Variants in UBL3 observed in about 807,000 individuals in gnomAD.
The protein encoded by UBL3 is ubiquitin-like protein 3.
A neutral mutation model predicts 18.4 loss-of-function variants in UBL3; 6 were observed. The ratio of observed to expected loss-of-function variants is 0.33; its 90% CI spans 0.18 to 0.64. The LOEUF is 0.64. Ranked by LOEUF, UBL3 falls within the 30% of genes least tolerant of loss-of-function variation. The probability of loss-of-function intolerance (pLI) is 0.76; values close to 1 mark genes in which losing one functional copy is unlikely to be tolerated. For synonymous variants in UBL3, 49 were observed against 46.6 expected (o/e 1.05, Z -0.21); for missense variants, 109 against 142.9 (o/e 0.76, Z 1.21).
chr13:29,831,714 AAAAG>A (rs1593673594), intron 1 of UBL3, among the ~76,000 whole-genome samples: 1 of 151,074 alleles, frequency 6.6e-6, no homozygotes, highest in East Asian at 2.0e-4. Flanking sequence ...GATAGAAAAA[AAAAG>A]AACGCTGACA....
At chr13:29,777,542 C>A in intron 1 of UBL3, 1 of 517,512 alleles carries the variant, frequency 1.9e-6, no homozygotes, top group Non-Finnish European at 3.7e-6. Flanking sequence ...TTTAATCACT[C>A]CAACAATGTT....
chr13:29,849,569 C>G lies in UBL3; in HGVS notation c.-31G>C. 1.2e-6 allele frequency: 2 copies of G among 1,612,560 alleles called. No homozygotes were observed. Among genetic ancestry groups the G allele is most frequent in the Non-Finnish European group, 1.7e-6 (2 of 1,179,752 alleles). On this transcript the variant is annotated 5_prime_UTR_variant, in exon 1 of 5. Transcript: ENST00000380680. ...CGTTTGATATACACCCAGATGTTTA[C>G]GAAAAAAACAAACAAAGAAAAAAGA... is the stretch of plus-strand genomic sequence containing the variant.
At chr13:29,776,251 TC>T (rs1434678989) in intron 2 of UBL3, among the ~76,000 whole-genome samples, 2 of 129,654 alleles carry the variant, frequency 1.5e-5, no homozygotes, top group Non-Finnish European at 1.6e-5. Flanking sequence ...TTCTTTTTTT[TC>T]TTTTCTTTCT....
At chr13:29,781,486 G>A (rs1287108408) in intron 1 of UBL3, among the ~76,000 whole-genome samples, 1 of 152,048 alleles carries the variant, frequency 6.6e-6, no homozygotes, top group African/African-American at 2.4e-5. Context: ...AAAAGTTAAC[G>A]CTATCAAGTA....
intron 1 of UBL3, among the ~76,000 whole-genome samples, chr13:29,813,823 T>G (rs780514337): frequency 1.4e-4 from 22 of 152,094 alleles, no homozygotes; most frequent in Admixed American, 1.4e-3. Flanking sequence ...AAATTCACTT[T>G]GCATCATTAT....
chr13:29,840,265 A>T (rs968602293), intron 1 of UBL3, among the ~76,000 whole-genome samples: 1 of 152,180 alleles, frequency 6.6e-6, no homozygotes, highest in African/African-American at 2.4e-5. Context: ...AAATGGACAA[A>T]TCTCTTGAAA....
Position 29,779,940 on chromosome 13 carries a change from C to T in UBL3, c.28-2677G>A, listed in dbSNP as rs534988680. 1.4e-4 allele frequency among the ~76,000 whole-genome samples: 22 copies of T among 152,270 alleles called. No homozygotes were observed. The East Asian group carries it at 2.1e-3, about 15-fold the overall frequency. On this transcript the variant is annotated intron_variant, in intron 1 of 4. Transcript: ENST00000380680. Reference sequence around the variant, plus strand: ...CGGCCTTATAAGAAGAGAAAGAGCTCGGCTCCTATGCTCTCTCCCTCTTCT... The same window carrying T: ...CGGCCTTATAAGAAGAGAAAGAGCTTGGCTCCTATGCTCTCTCCCTCTTCT...
intron 1 of UBL3, among the ~76,000 whole-genome samples, chr13:29,834,177 T>C (rs577684934): frequency 6.9e-6 from 1 of 145,440 alleles, no homozygotes; most frequent in East Asian, 2.0e-4. Context: ...AGCAAGACTC[T>C]GTCTCAAGAA....
intron 1 of UBL3, among the ~76,000 whole-genome samples, chr13:29,779,637 C>T (rs1209472332): frequency 2.0e-5 from 3 of 152,098 alleles, no homozygotes; most frequent in African/African-American, 7.2e-5. Flanking sequence ...ATAGTATATC[C>T]TTACCATGGA....
In UBL3 at chr13:29,850,578, T is replaced by TGGCGGCAGCGGCGGCGGC. The variant is rs1555235744; in HGVS notation, c.-1058_-1041dup. The stretch of plus-strand genomic sequence containing the variant: ...CCTGTCATCGCCTCTCAAACCAACA[T>TGGCGGCAGCGGCGGCGGC]GGCGGCAGCGGCGGCGGCGGCGGCT... On this transcript the variant is annotated 5_prime_UTR_variant, in exon 1 of 5. Transcript: ENST00000380680. 1.3e-5 allele frequency: 2 copies of TGGCGGCAGCGGCGGCGGC among 154,700 alleles called. No homozygotes were observed. Among genetic ancestry groups the TGGCGGCAGCGGCGGCGGC allele is most frequent in the African/African-American group, 2.4e-5 (1 of 40,960 alleles). The allele number at this position is 154,700 out of a possible 1,614,324, so 9.6% of individuals were successfully genotyped here.
chr13:29,809,711 T>C (rs1009015915), intron 1 of UBL3, among the ~76,000 whole-genome samples: 2 of 152,104 alleles, frequency 1.3e-5, no homozygotes, highest in Admixed American at 6.6e-5. Flanking sequence ...CCACTAAATA[T>C]AGAGTCATCT....
rs1205501140 is a variant in UBL3, at chr13:29,838,742, TG to T, written c.27+10769del. ...GAAGGGAAAGTTATAAAGGACTTAA[TG>T]ATGGAAGTAAAATACAAATTGCAAA... On this transcript the variant is annotated intron_variant, in intron 1 of 4. Transcript: ENST00000380680. Among the ~76,000 whole-genome samples, 211 of 152,258 alleles carry T rather than the reference TG, an allele frequency of 1.4e-3. 1 individual carries two copies. Among genetic ancestry groups the T allele is most frequent in the African/African-American group, 4.7e-3 (194 of 41,550 alleles).
intron 1 of UBL3, among the ~76,000 whole-genome samples, chr13:29,836,359 CAAATAAAT>C (rs533801530): frequency 2.6e-5 from 4 of 151,338 alleles, no homozygotes; most frequent in South Asian, 2.1e-4. Flanking sequence ...AATAAATAAA[CAAATAAAT>C]AAATAAATAA....
intron 1 of UBL3, among the ~76,000 whole-genome samples, chr13:29,789,930 C>T (rs912648440): frequency 6.6e-6 from 1 of 152,100 alleles, no homozygotes; most frequent in Non-Finnish European, 1.5e-5. Context: ...GCAGAATATA[C>T]CCAGAGATGG....
intron 1 of UBL3, among the ~76,000 whole-genome samples, chr13:29,811,675 C>A (rs559008142): frequency 1.3e-5 from 2 of 152,190 alleles, no homozygotes; most frequent in African/African-American, 4.8e-5. Context: ...GCAACAAGCA[C>A]AAGGATAAAA....
At chr13:29,796,432 A>G (rs1877615472) in intron 1 of UBL3, among the ~76,000 whole-genome samples, 1 of 152,196 alleles carries the variant, frequency 6.6e-6, no homozygotes, top group African/African-American at 2.4e-5. Flanking sequence ...TCTTCTTTAG[A>G]TATTTCCACT....
At chr13:29,773,864 A>C (rs1416690227) in intron 2 of UBL3, among the ~76,000 whole-genome samples, 1 of 152,182 alleles carries the variant, frequency 6.6e-6, no homozygotes, top group African/African-American at 2.4e-5. Context: ...GCAGAAGGGT[A>C]TGCTAAGGAA....
chr13:29,788,840 T>A (rs897161749), intron 1 of UBL3, among the ~76,000 whole-genome samples: 6 of 13,620 alleles, frequency 4.4e-4, no homozygotes, highest in African/African-American at 8.0e-4. Context: ...AATGGGGAAG[T>A]GTGTGTGTGT....
At chr13:29,802,857 A>G (rs949288857) in intron 1 of UBL3, among the ~76,000 whole-genome samples, 3 of 152,236 alleles carry the variant, frequency 2.0e-5, no homozygotes, top group African/African-American at 7.2e-5. Flanking sequence ...AGGGGAAGAA[A>G]GTAAGCAACT....
Sources: allele counts gnomAD v4.1 joint callset (sites outside exome capture counted in the v4.1 genomes callset), GRCh38; gene constraint gnomAD v4.1.1; transcripts MANE v1.5; gene names NCBI Gene and HGNC (gene_info 2026-07-23, HGNC 2026-07-21).